PLEKHG3: variants seen among roughly 807,000 people sequenced by gnomAD.
The protein encoded by PLEKHG3 is pleckstrin homology and RhoGEF domain containing G3, also known as pleckstrin homology domain-containing family G member 3.
A neutral mutation model predicts 94.9 loss-of-function variants in PLEKHG3; 62 were observed. The observed-to-expected ratio is 0.65, with a 90% CI of 0.53 to 0.81. PLEKHG3 has a LOEUF of 0.81. PLEKHG3 is among the 30% of genes least tolerant of loss of function. PLEKHG3 has a pLI of 0.00. For missense variants in PLEKHG3, 1,461 were observed against 1,619.3 expected (o/e 0.90, Z 1.68); for synonymous variants, 614 against 654.0 (o/e 0.94, Z 0.93).
rs2081683856 is a variant in PLEKHG3, at chr14:64,741,265, T to C, written c.1748T>C (p.Met583Thr). ...CTGAGCAGCGAGGAGGAAGAAGAAA[T>C]GGGAGGTGCCGCCCAGGAGCCTGAG... is the stretch of plus-strand genomic sequence containing the variant. ...KALSSEEEEE[M>T]GGAAQEPESL... is the part of the protein sequence containing the mutation. The change falls in exon 16 of 17, where the codon ATG (methionine) becomes ACG (threonine). Residue 583 changes from methionine to threonine, a missense_variant. By Grantham distance (81) the Met-to-Thr change is moderately conservative. Transcript: ENST00000247226. 6.2e-7 allele frequency: 1 copy of C among 1,613,766 alleles called. No homozygotes were observed. Among genetic ancestry groups the C allele is most frequent in the Non-Finnish European group, 8.5e-7 (1 of 1,179,998 alleles).
At chr14:64,709,350 T>C (rs778356478) in intron 1 of PLEKHG3, among the ~76,000 whole-genome samples, 1 of 152,196 alleles carries the variant, frequency 6.6e-6, no homozygotes, top group Non-Finnish European at 1.5e-5. Flanking sequence ...CATCTGGGAA[T>C]GCAAGCACTA....
At position 64,723,648 on chromosome 14, in the gene PLEKHG3, C is replaced by A. The variant is rs1292901999; in HGVS notation, c.-39-3945C>A. 1 of 152,120 alleles carries A rather than the reference C, an allele frequency of 6.6e-6. No homozygotes were observed. Among genetic ancestry groups the A allele is most frequent in the East Asian group, 1.9e-4 (1 of 5,190 alleles). 9.4% of individuals were successfully genotyped at this position (152,120 alleles called of 1,614,324 possible). Reference sequence around the variant, plus strand: ...CCCGAGTAGCTGGGATTACAGGCACCTGCCACTATGCCCAGCTAATTTTTG... The same window carrying A: ...CCCGAGTAGCTGGGATTACAGGCACATGCCACTATGCCCAGCTAATTTTTG... On this transcript the variant is annotated intron_variant, in intron 1 of 16. Coordinates refer to ENST00000247226, the MANE Select transcript of PLEKHG3 (RefSeq NM_001308147.2). This position sits in a 1 kb window ranked among gnomAD's most constrained non-coding sequence, Gnocchi z 4.5.
rs1478913183 is a variant in PLEKHG3 at position 64,731,355 on chromosome 14, C to T, written c.850-6C>T. ...GACTCTAGGGATTGGGGCCCCTCTG[C>T]TGCAGGAGATTCAGTCACTCCTCAT... On this transcript the variant is annotated splice_polypyrimidine_tract_variant and splice_region_variant and intron_variant, in intron 7 of 16. Transcript: ENST00000247226. The surrounding 1 kb of genome is among the most constrained non-coding windows in gnomAD (Gnocchi z 6.1). The T allele has an allele frequency of 1.2e-6, 2 of 1,611,794 alleles. No individual in the cohort carries two copies. Among genetic ancestry groups the T allele is most frequent in the Non-Finnish European group, 8.5e-7 (1 of 1,178,910 alleles).
Position 64,749,201 on chromosome 14 carries a change from C to G in PLEKHG3, c.*5498C>G. 7.2e-7 allele frequency: 1 copy of G among 1,397,674 alleles called. No individual in the cohort carries two copies. The highest frequency in any genetic ancestry group is 9.7e-7 in the Non-Finnish European group (1 of 1,029,118). The allele number at this position is 1,397,674 out of a possible 1,614,324, so 86.6% of individuals were successfully genotyped here. ...GGGCCCGGGGGCCCGGCCCGCGACT[C>G]GACTCATCTCGATTCGACCGGCGGG... On this transcript the variant is annotated 3_prime_UTR_variant, in exon 17 of 17. Transcript: ENST00000247226. This position sits in a 1 kb window ranked among gnomAD's most constrained non-coding sequence, Gnocchi z 4.7.
intron 1 of PLEKHG3, among the ~76,000 whole-genome samples, chr14:64,708,391 C>T (rs1021869175): frequency 6.6e-6 from 1 of 151,952 alleles, no homozygotes; most frequent in Non-Finnish European, 1.5e-5. Flanking sequence ...GCCTGGAGGT[C>T]GGAAGCGGAG....
Position 64,730,684 on chromosome 14 carries a change from C to T in PLEKHG3, c.562C>T (p.Pro188Ser), listed in dbSNP as rs1225515228. The change falls in exon 5 of 17, where the codon CCC becomes TCC. Residue 188 changes from proline to serine, a missense_variant. Pro to Ser is a moderately conservative substitution (Grantham distance 74). Transcript: ENST00000247226. This position sits in a 1 kb window ranked among gnomAD's most constrained non-coding sequence, Gnocchi z 5.4. ...CTACACTCAGTATTGCAACAATTAC[C>T]CCAAGTGAGTAATTGGGGTGAGAGG... is the stretch of plus-strand genomic sequence containing the variant. ...DIYTQYCNNYPNSVAALTECM... is the reference protein window; with the variant it reads ...DIYTQYCNNYSNSVAALTECM... 3 of 1,612,824 alleles carry T rather than the reference C, an allele frequency of 1.9e-6. No individual in the cohort carries two copies. The highest frequency in any genetic ancestry group is 2.2e-5 in the South Asian group (2 of 91,058).
At position 64,744,948 on chromosome 14, in the gene PLEKHG3, G is replaced by C. The variant is rs1214388485; in HGVS notation, c.*1245G>C. ...AGCCACCACACCCAGCTAATTTTTTGTATTTTTAGTAGAGACGGGGTTTCG... is the reference window on the plus strand; with the variant it reads ...AGCCACCACACCCAGCTAATTTTTTCTATTTTTAGTAGAGACGGGGTTTCG... On this transcript the variant is annotated 3_prime_UTR_variant, in exon 17 of 17. Coordinates refer to ENST00000247226, the MANE Select transcript of PLEKHG3 (RefSeq NM_001308147.2). The C allele has an allele frequency of 6.6e-6, 1 of 151,918 alleles. No individual in the cohort carries two copies. The highest frequency in any genetic ancestry group is 6.6e-5 in the Admixed American group (1 of 15,264). 9.4% of individuals were successfully genotyped at this position (151,918 alleles called of 1,614,324 possible).
chr14:64,729,429 A>T (rs1235518163), intron 3 of PLEKHG3, among the ~76,000 whole-genome samples: 1 of 152,034 alleles, frequency 6.6e-6, no homozygotes, highest in Admixed American at 6.5e-5. Context: ...TTCCATTTGC[A>T]CATCTGTTAA....
rs556755997 is a variant in PLEKHG3 at position 64,716,106 on chromosome 14, T to G, written c.-40+11402T>G. The G allele has an allele frequency of 4.2e-5, 19 of 455,406 alleles. No homozygotes were observed. In the East Asian group the frequency reaches 1.3e-3, roughly 30 times the overall value. The allele number at this position is 455,406 out of a possible 1,614,324, so 28.2% of individuals were successfully genotyped here. A position where few individuals can be genotyped will look rare whatever the true frequency, so the allele number is the denominator to read the frequency against. ...CTGAGGAAAGCGGTAGGTACCCGGCTGGGGCCAGGCCAGGGGATGGGAATG... is the reference window on the plus strand; with the variant it reads ...CTGAGGAAAGCGGTAGGTACCCGGCGGGGGCCAGGCCAGGGGATGGGAATG... On this transcript the variant is annotated intron_variant, in intron 1 of 16. Transcript: ENST00000247226. This position sits in a 1 kb window ranked among gnomAD's most constrained non-coding sequence, Gnocchi z 5.0.
chr14:64,727,967 G>A lies in PLEKHG3; in HGVS notation c.336G>A (p.Leu112=), dbSNP rs144847225. Residue 112 remains leucine, a synonymous_variant, in exon 2 of 17, where the codon CTG becomes CTA. Coordinates refer to ENST00000247226, the MANE Select transcript of PLEKHG3 (RefSeq NM_001308147.2). The surrounding 1 kb of genome is among the most constrained non-coding windows in gnomAD (Gnocchi z 6.0). The part of the protein sequence containing the change: ...VETERMYVQD[L]RSIVEDYLLK... ...CAGAGCGCATGTACGTACAGGACCTGCGCAGCATCGTGGAGGTGCGTGTCG... is the reference window on the plus strand; with the variant it reads ...CAGAGCGCATGTACGTACAGGACCTACGCAGCATCGTGGAGGTGCGTGTCG... 3 of 1,576,806 alleles carry A rather than the reference G, an allele frequency of 1.9e-6. No individual in the cohort carries two copies. The highest frequency in any genetic ancestry group is 2.2e-5 in the South Asian group (2 of 88,966).
Position 64,738,273 on chromosome 14 carries a change from G to A in PLEKHG3, c.1405-469G>A. Reference sequence around the variant, plus strand: ...CTCCTCCTTGCATGCTCCCTGGGATGTGCATGCCCACCCGAGGGCCCCCTC... The same window carrying A: ...CTCCTCCTTGCATGCTCCCTGGGATATGCATGCCCACCCGAGGGCCCCCTC... On this transcript the variant is annotated intron_variant, in intron 14 of 16. Transcript: ENST00000247226. The surrounding 1 kb of genome is among the most constrained non-coding windows in gnomAD (Gnocchi z 4.8). The A allele has an allele frequency of 8.3e-7, 1 of 1,198,620 alleles. No individual in the cohort carries two copies. Among genetic ancestry groups the A allele is most frequent in the Non-Finnish European group, 1.1e-6 (1 of 911,228 alleles). 74.2% of individuals were successfully genotyped at this position (1,198,620 alleles called of 1,614,324 possible). A position where few individuals can be genotyped will look rare whatever the true frequency, so the allele number is the denominator to read the frequency against.
At position 64,715,899 on chromosome 14, in the gene PLEKHG3, G is replaced by A. The variant is rs2081131792; in HGVS notation, c.-40+11195G>A. The A allele has an allele frequency of 7.8e-6, 3 of 384,104 alleles. No homozygotes were observed. The highest frequency in any genetic ancestry group is 1.6e-5 in the Non-Finnish European group (3 of 189,774). The allele number at this position is 384,104 out of a possible 1,614,324, so 23.8% of individuals were successfully genotyped here. A position where few individuals can be genotyped will look rare whatever the true frequency, so the allele number is the denominator to read the frequency against. ...GAAAGTATGACCCACACGCAGAACTGGTTCTGAATAGAACATTTATTGACG... is the reference window on the plus strand; with the variant it reads ...GAAAGTATGACCCACACGCAGAACTAGTTCTGAATAGAACATTTATTGACG... On this transcript the variant is annotated intron_variant, in intron 1 of 16. Transcript: ENST00000247226. The surrounding 1 kb of genome is among the most constrained non-coding windows in gnomAD (Gnocchi z 4.4).
chr14:64,749,483 G>A lies in PLEKHG3; in HGVS notation c.*5780G>A, dbSNP rs140679128. The A allele has an allele frequency of 7.1e-5, 114 of 1,598,868 alleles. No homozygotes were observed. The highest frequency in any genetic ancestry group is 6.8e-4 in the African/African-American group (51 of 74,978). On this transcript the variant is annotated 3_prime_UTR_variant, in exon 17 of 17. Transcript: ENST00000247226. The surrounding 1 kb of genome is among the most constrained non-coding windows in gnomAD (Gnocchi z 4.7). ...AGGACAGCATCTCCTCCTGCGGGGCGGAGGGTCACGGTGGAGTCTGGAGGC... is the reference window on the plus strand; with the variant it reads ...AGGACAGCATCTCCTCCTGCGGGGCAGAGGGTCACGGTGGAGTCTGGAGGC...
Position 64,733,191 on chromosome 14 carries a change from G to A in PLEKHG3, c.1345+290G>A, listed in dbSNP as rs189934960. Among the ~76,000 whole-genome samples the A allele has an allele frequency of 6.1e-4, 87 of 143,730 alleles. 1 individual carries two copies. The highest frequency in any genetic ancestry group is 2.3e-3 in the African/African-American group (87 of 38,622). 94.3% of individuals were successfully genotyped at this position (143,730 alleles called of 152,430 possible). On this transcript the variant is annotated intron_variant, in intron 12 of 16. Transcript: ENST00000247226. Reference sequence around the variant, plus strand: ...TTTTTTTTTTTTTTTGAGAGATGGAGTCTTGCTCTGTTGCCCAGGCTGGAG... The same window carrying A: ...TTTTTTTTTTTTTTTGAGAGATGGAATCTTGCTCTGTTGCCCAGGCTGGAG...
chr14:64,728,034 C>T lies in PLEKHG3; in HGVS notation c.351+52C>T. The stretch of plus-strand genomic sequence containing the variant: ...GTATTCTAGCAGAAGCCTGTTTCAC[C>T]CTGGGAGGGAAGCTCTCAAAAGACC... On this transcript the variant is annotated intron_variant, in intron 2 of 16. Transcript: ENST00000247226. The surrounding 1 kb of genome is among the most constrained non-coding windows in gnomAD (Gnocchi z 5.9). The T allele has an allele frequency of 8.5e-7, 1 of 1,183,126 alleles. No individual in the cohort carries two copies. The highest frequency in any genetic ancestry group is 1.2e-6 in the Non-Finnish European group (1 of 858,290). The allele number at this position is 1,183,126 out of a possible 1,614,324, so 73.3% of individuals were successfully genotyped here.
In PLEKHG3 at chr14:64,732,980, A is replaced by G. The variant is rs1594696399; in HGVS notation, c.1345+79A>G. On this transcript the variant is annotated intron_variant, in intron 12 of 16. Coordinates refer to ENST00000247226, the MANE Select transcript of PLEKHG3 (RefSeq NM_001308147.2). The surrounding 1 kb of genome is among the most constrained non-coding windows in gnomAD (Gnocchi z 4.9). Reference sequence around the variant, plus strand: ...CTGGGGACCGTCTGCGGCAGTGTCCAGGGCTGTGGCTCTCACCTCTGCGGA... The same window carrying G: ...CTGGGGACCGTCTGCGGCAGTGTCCGGGGCTGTGGCTCTCACCTCTGCGGA... 16 of 900,204 alleles carry G rather than the reference A, an allele frequency of 1.8e-5. No individual in the cohort carries two copies. 55.8% of individuals were successfully genotyped at this position (900,204 alleles called of 1,614,324 possible). A position where few individuals can be genotyped will look rare whatever the true frequency, so the allele number is the denominator to read the frequency against.
chr14:64,711,757 C>T (rs1158093741), intron 1 of PLEKHG3, among the ~76,000 whole-genome samples: 2 of 152,096 alleles, frequency 1.3e-5, no homozygotes, highest in Admixed American at 1.3e-4. Context: ...GTCAAGTATA[C>T]GATTTACAGA....
rs558189940 is a variant in PLEKHG3, at chr14:64,721,671, TCG to T, written c.-39-5918_-39-5917del. 1.5e-4 allele frequency among the ~76,000 whole-genome samples: 23 copies of T among 152,248 alleles called. No individual in the cohort carries two copies. In the East Asian group the frequency reaches 4.4e-3, roughly 29 times the overall value. On this transcript the variant is annotated intron_variant, in intron 1 of 16. Transcript: ENST00000247226. The surrounding 1 kb of genome is among the most constrained non-coding windows in gnomAD (Gnocchi z 4.3). ...AAGTCACTCCCCGGGGAGCCTTCTC[TCG>T]CGCTTTATTACGGTGCTCAGGGCTG... is the stretch of plus-strand genomic sequence containing the variant.
intron 1 of PLEKHG3, among the ~76,000 whole-genome samples, chr14:64,719,751 A>C (rs1594671928): frequency 6.6e-6 from 1 of 151,352 alleles, no homozygotes. Context: ...CCTCCTACCC[A>C]CCCACCCCGC....
Sources: gnomAD v4.1 joint callset for allele counts (sites outside exome capture counted in the v4.1 genomes callset) on GRCh38, gnomAD v4.1.1 for gene constraint, Gnocchi (gnomAD v3.1) non-coding constraint, MANE v1.5 for transcripts, NCBI Gene and HGNC (gene_info 2026-07-23, HGNC 2026-07-21) for gene names.